Variants in SHROOM3 observed in about 807,000 individuals in gnomAD.
SHROOM3 encodes the protein shroom family member 3, also known as protein Shroom3.
A neutral mutation model predicts 138.6 loss-of-function variants in SHROOM3; 47 were observed. The observed-to-expected ratio is 0.34, with a 90% CI of 0.27 to 0.43. SHROOM3 has a LOEUF of 0.43. Among genes scored for constraint, SHROOM3 ranks in the 20% least tolerant of loss-of-function variants. The pLI is 1.00. For missense variants in SHROOM3, 2,491 were observed against 2,596.5 expected (o/e 0.96, Z 0.88); for synonymous variants, 1,062 against 1,063.3 (o/e 1.00, Z 0.02).
intron 10 of SHROOM3, among the ~76,000 whole-genome samples, chr4:76,775,814 T>TACACAC (rs560738392): frequency 6.6e-6 from 1 of 151,278 alleles, no homozygotes; most frequent in African/African-American, 2.4e-5. Context: ...ATACTATATA[T>TACACAC]ATACACACAC....
In SHROOM3 at chr4:76,508,095, A is replaced by G. The variant is rs529390608; in HGVS notation, c.169-47514A>G. Among the ~76,000 whole-genome samples, 4 of 152,112 alleles carry G rather than the reference A, an allele frequency of 2.6e-5. 1 individual carries two copies. The highest frequency in any genetic ancestry group is 9.6e-5 in the African/African-American group (4 of 41,506). ...GTCCAATTTATTTTTTTCTTTTATT[A>G]CTTGTGCTTTTGTAATCGTATTCGA... On this transcript the variant is annotated intron_variant, in intron 1 of 10. Transcript: ENST00000296043.
At chr4:76,578,078 A>G (rs1733975438) in intron 2 of SHROOM3, among the ~76,000 whole-genome samples, 1 of 152,196 alleles carries the variant, frequency 6.6e-6, no homozygotes, top group South Asian at 2.1e-4. Flanking sequence ...AAGGTTTATT[A>G]TGCTCCTGGT....
intron 2 of SHROOM3, among the ~76,000 whole-genome samples, chr4:76,698,228 C>T (rs748811936): frequency 3.9e-5 from 6 of 152,048 alleles, no homozygotes; most frequent in South Asian, 2.1e-4. Flanking sequence ...AAAAGCAGAA[C>T]GAATCTTGGA....
intron 2 of SHROOM3, among the ~76,000 whole-genome samples, chr4:76,577,452 A>G (rs530669295): frequency 6.6e-6 from 1 of 152,328 alleles, no homozygotes; most frequent in South Asian, 2.1e-4. Context: ...GAATGGTTCC[A>G]GCCTCCCTAG....
chr4:76,601,368 C>T (rs1322898281), intron 2 of SHROOM3, among the ~76,000 whole-genome samples: 2 of 151,932 alleles, frequency 1.3e-5, no homozygotes, highest in African/African-American at 4.8e-5. Flanking sequence ...TTACCTGGCC[C>T]CAATTGTCAG....
intron 2 of SHROOM3, among the ~76,000 whole-genome samples, chr4:76,578,086 G>C (rs1577897091): frequency 6.6e-6 from 1 of 152,006 alleles, no homozygotes; most frequent in East Asian, 1.9e-4. Flanking sequence ...TTATGCTCCT[G>C]GTTAAGAAAA....
chr4:76,720,087 C>T (rs1227335722), intron 3 of SHROOM3, among the ~76,000 whole-genome samples: 1 of 151,016 alleles, frequency 6.6e-6, no homozygotes, highest in African/African-American at 2.4e-5. Flanking sequence ...CCTACTGAAC[C>T]ACTTTTTAAA....
chr4:76,504,707 G>C (rs1732173880), intron 1 of SHROOM3, among the ~76,000 whole-genome samples: 1 of 152,138 alleles, frequency 6.6e-6, no homozygotes, highest in South Asian at 2.1e-4. Context: ...CTCCCTGAAA[G>C]GGTACTTTTC....
chr4:76,523,341 G>A (rs1159852356), intron 1 of SHROOM3, among the ~76,000 whole-genome samples: 1 of 152,176 alleles, frequency 6.6e-6, no homozygotes, highest in Non-Finnish European at 1.5e-5. Context: ...CAATTTCCAA[G>A]TAAGGCTGTA....
At chr4:76,453,226 C>T (rs1375736322) in intron 1 of SHROOM3, among the ~76,000 whole-genome samples, 1 of 152,158 alleles carries the variant, frequency 6.6e-6, no homozygotes, top group African/African-American at 2.4e-5. Flanking sequence ...CTAATTTATA[C>T]ACATCCTTGC....
chr4:76,771,857 G>A (rs953980270), intron 10 of SHROOM3, among the ~76,000 whole-genome samples: 2 of 152,126 alleles, frequency 1.3e-5, no homozygotes, highest in South Asian at 2.1e-4. Flanking sequence ...TCCTCTGTAC[G>A]GCAAATAGTT....
chr4:76,444,484 C>CT (rs61655085), intron 1 of SHROOM3, among the ~76,000 whole-genome samples: 766 of 60,176 alleles, frequency 0.013, 51 homozygotes, highest in Non-Finnish European at 0.016. Flanking sequence ...CTCTTTCTTT[C>CT]TTTTTTTTTT....
chr4:76,564,506 A>G (rs1014040020), intron 2 of SHROOM3, among the ~76,000 whole-genome samples: 1 of 152,214 alleles, frequency 6.6e-6, no homozygotes, highest in African/African-American at 2.4e-5. Flanking sequence ...GTATAGAAGT[A>G]TAGTATTTTA....
chr4:76,603,290 C>T (rs1248731157), intron 2 of SHROOM3, among the ~76,000 whole-genome samples: 2 of 152,078 alleles, frequency 1.3e-5, no homozygotes, highest in Non-Finnish European at 2.9e-5. Context: ...TGGTCGCACG[C>T]ACCTGTAGTC....
At chr4:76,589,069 G>A (rs147563471) in intron 2 of SHROOM3, among the ~76,000 whole-genome samples, 10 of 152,328 alleles carry the variant, frequency 6.6e-5, no homozygotes, top group East Asian at 5.8e-4. Context: ...AATGATAGCC[G>A]CAGAGCGGTA....
intron 2 of SHROOM3, among the ~76,000 whole-genome samples, chr4:76,572,688 T>C (rs566720413): frequency 1.4e-4 from 21 of 152,224 alleles, no homozygotes; most frequent in Non-Finnish European, 2.6e-4. Context: ...TAGGGGCAGC[T>C]CTAGCAGTAT....
At chr4:76,756,979 C>G (rs996457644) in intron 8 of SHROOM3, 42 bp downstream of exon 8, 1 of 1,612,870 alleles carries the variant, frequency 6.2e-7, no homozygotes, top group African/African-American at 1.3e-5. Flanking sequence ...TACAATCACA[C>G]TCCTTCCATG....
intron 2 of SHROOM3, among the ~76,000 whole-genome samples, chr4:76,588,316 AG>A (rs1362328836): frequency 6.6e-6 from 1 of 152,192 alleles, no homozygotes; most frequent in African/African-American, 2.4e-5. Context: ...TTGGAGGGCA[AG>A]GGGATTAAGT....
chr4:76,697,108 G>A (rs1483625637), intron 2 of SHROOM3, among the ~76,000 whole-genome samples: 1 of 140,230 alleles, frequency 7.1e-6, no homozygotes, highest in South Asian at 2.3e-4. Context: ...TTTTTTTTTG[G>A]TAAGAGATGA....
Sources: allele counts gnomAD v4.1 joint callset (sites outside exome capture counted in the v4.1 genomes callset), GRCh38; gene constraint gnomAD v4.1.1; transcripts MANE v1.5; gene names NCBI Gene and HGNC (gene_info 2026-07-23, HGNC 2026-07-21).